EPHA6: variants seen among roughly 807,000 people sequenced by gnomAD.
The protein encoded by EPHA6 is EPH receptor A6, also known as ephrin type-A receptor 6.
EPHA6 carries 50 observed loss-of-function variants against 112.0 expected under a neutral mutation model. The ratio of observed to expected loss-of-function variants is 0.45; its 90% confidence interval spans 0.36 to 0.56. The LOEUF is 0.56. Among genes scored for constraint, EPHA6 ranks in the 20% least tolerant of loss-of-function variants. The pLI is 0.00. For missense variants in EPHA6, 1,280 were observed against 1,417.4 expected, an observed-to-expected ratio of 0.90 and a Z score of 1.56; for synonymous variants, 529 against 490.7, an observed-to-expected ratio of 1.08 and a Z score of -1.03.
At chr3:97,155,158 TGTC>T in intron 3 of EPHA6, among the ~76,000 whole-genome samples, 1 of 152,270 alleles carries the variant, frequency 6.6e-6, no homozygotes, top group African/African-American at 2.4e-5. Flanking sequence ...TATTTTAAAA[TGTC>T]AAGAAAGGCA....
At chr3:96,953,642 A>G (rs1038344636) in intron 2 of EPHA6, among the ~76,000 whole-genome samples, 1 of 152,170 alleles carries the variant, frequency 6.6e-6, no homozygotes, top group Non-Finnish European at 1.5e-5. Context: ...TTTAAAAGAT[A>G]AAAATGGGCC....
intron 6 of EPHA6, among the ~76,000 whole-genome samples, chr3:97,424,640 C>T (rs1313913706): frequency 6.6e-6 from 1 of 151,840 alleles, no homozygotes; most frequent in Non-Finnish European, 1.5e-5. Context: ...CCCATCTCTA[C>T]TAAAAATACA....
intron 3 of EPHA6, among the ~76,000 whole-genome samples, chr3:97,047,085 T>C (rs1376061400): frequency 2.0e-5 from 3 of 152,110 alleles, no homozygotes; most frequent in African/African-American, 7.2e-5. Flanking sequence ...TTTATCAACC[T>C]GGATTTGAAT....
chr3:96,997,626 C>T (rs1331914212), intron 3 of EPHA6, among the ~76,000 whole-genome samples: 2 of 151,908 alleles, frequency 1.3e-5, no homozygotes, highest in African/African-American at 2.4e-5. Flanking sequence ...GTTTATGGTA[C>T]ACCCCCAAAA....
chr3:97,630,589 T>C (rs1368092851), intron 13 of EPHA6, among the ~76,000 whole-genome samples: 1 of 152,058 alleles, frequency 6.6e-6, no homozygotes. Context: ...ATAAATCAAT[T>C]GTTCAGAACT....
chr3:97,167,934 A>G (rs140967170), intron 3 of EPHA6, among the ~76,000 whole-genome samples: 92 of 152,102 alleles, frequency 6.0e-4, no homozygotes, highest in African/African-American at 2.2e-3. Flanking sequence ...TATTACACAA[A>G]TTAAGATTTT....
At chr3:97,341,623 G>A (rs773190554) in intron 5 of EPHA6, among the ~76,000 whole-genome samples, 39 of 152,100 alleles carry the variant, frequency 2.6e-4, no homozygotes, top group Non-Finnish European at 8.8e-5. Flanking sequence ...AAAGAGCTGG[G>A]ATTACTCCTT....
intron 2 of EPHA6, among the ~76,000 whole-genome samples, chr3:96,907,941 A>G (rs1398660977): frequency 6.6e-6 from 1 of 151,940 alleles, no homozygotes; most frequent in African/African-American, 2.4e-5. Flanking sequence ...ATCGTTAGCA[A>G]TTTTGTTATT....
At chr3:97,686,019 T>G (rs1271322751) in intron 14 of EPHA6, among the ~76,000 whole-genome samples, 1 of 152,182 alleles carries the variant, frequency 6.6e-6, no homozygotes, top group African/African-American at 2.4e-5. Context: ...GAAATTATGA[T>G]GAGTAACTCA....
At chr3:97,359,645 C>A (rs2084266164) in intron 5 of EPHA6, among the ~76,000 whole-genome samples, 2 of 151,826 alleles carry the variant, frequency 1.3e-5, no homozygotes, top group South Asian at 4.2e-4. Flanking sequence ...TTTCTTGCTT[C>A]TTTGTATATC....
chr3:97,572,993 TG>T (rs1259919383), intron 11 of EPHA6, among the ~76,000 whole-genome samples: 2 of 152,208 alleles, frequency 1.3e-5, no homozygotes, highest in Admixed American at 6.5e-5. Context: ...GTTGAATTTT[TG>T]ACTTTCTGCC....
chr3:97,616,453 G>T (rs1016617582), intron 13 of EPHA6, among the ~76,000 whole-genome samples: 1 of 152,106 alleles, frequency 6.6e-6, no homozygotes, highest in Non-Finnish European at 1.5e-5. Context: ...ACAGAAGTAG[G>T]CTTCCAAATG....
chr3:97,243,783 A>G (rs2078914517), intron 4 of EPHA6, among the ~76,000 whole-genome samples, 169 bp from the exon 5 acceptor site: 1 of 151,944 alleles, frequency 6.6e-6, no homozygotes, highest in Non-Finnish European at 1.5e-5. Flanking sequence ...CTCCTTCCCT[A>G]CTAGACCTAA....
At chr3:97,672,806 A>C (rs2030980732) in intron 14 of EPHA6, among the ~76,000 whole-genome samples, 1 of 152,194 alleles carries the variant, frequency 6.6e-6, no homozygotes, top group Admixed American at 6.5e-5. Context: ...AGATCATGTG[A>C]GAGCAGAAAT....
intron 1 of EPHA6, among the ~76,000 whole-genome samples, chr3:96,815,558 A>G (rs1239203928): frequency 1.3e-5 from 2 of 152,142 alleles, no homozygotes; most frequent in African/African-American, 2.4e-5. Flanking sequence ...TTCCTAGACC[A>G]GATGCTCCAG....
Position 97,433,041 on chromosome 3 carries a change from A to T in EPHA6, c.1732-15527A>T, listed in dbSNP as rs563375395. ...AGAATTAGAAACCTCAGTTTAAAGC[A>T]CTGTGAAGCTCATAGTCTTTTCATC... On this transcript the variant is annotated intron_variant, in intron 6 of 17. Coordinates refer to ENST00000389672, the MANE Select transcript of EPHA6 (RefSeq NM_001080448.3). 5.9e-5 allele frequency among the ~76,000 whole-genome samples: 9 copies of T among 152,292 alleles called. No individual in the cohort carries two copies. The South Asian group carries it at 8.3e-4, about 14-fold the overall frequency.
At chr3:97,653,761 C>A (rs2094121141) in intron 14 of EPHA6, among the ~76,000 whole-genome samples, 1 of 151,880 alleles carries the variant, frequency 6.6e-6, no homozygotes. Context: ...CTAAATATTT[C>A]TTTTTGAATG....
At chr3:97,342,894 A>AT (rs2083380497) in intron 5 of EPHA6, among the ~76,000 whole-genome samples, 1 of 152,192 alleles carries the variant, frequency 6.6e-6, no homozygotes, top group Non-Finnish European at 1.5e-5. Context: ...AGTATATAGT[A>AT]TTTTGTGACA....
At chr3:96,845,077 A>G (rs552955003) in intron 1 of EPHA6, among the ~76,000 whole-genome samples, 1 of 152,164 alleles carries the variant, frequency 6.6e-6, no homozygotes, top group East Asian at 1.9e-4. Flanking sequence ...ATTAGTCCAA[A>G]GATAAGATAA....
Sources: allele counts gnomAD v4.1 joint callset (sites outside exome capture counted in the v4.1 genomes callset), GRCh38; gene constraint gnomAD v4.1.1; transcripts MANE v1.5; gene names NCBI Gene and HGNC (gene_info 2026-07-23, HGNC 2026-07-21).